Variants in PIP4K2A observed in about 807,000 individuals in gnomAD.
PIP4K2A encodes phosphatidylinositol 5-phosphate 4-kinase type-2 alpha.
In PIP4K2A, 14 loss-of-function variants were observed where a neutral mutation model predicts 42.9. The observed-to-expected ratio is 0.33, with a 90% CI of 0.22 to 0.51. The LOEUF (loss-of-function observed/expected upper bound fraction) is 0.51, where lower values mean the gene tolerates loss of function less well. Ranked by LOEUF, PIP4K2A falls within the 20% of genes least tolerant of loss-of-function variation. The pLI is 0.97. For missense variants in PIP4K2A, 434 were observed against 519.8 expected, an observed-to-expected ratio of 0.83 and a Z score of 1.61; for synonymous variants, 192 against 192.2, an observed-to-expected ratio of 1.00 and a Z score of 0.01.
At chr10:22,568,989 T>C (rs1483743913) in intron 5 of PIP4K2A, 2 of 1,520,078 alleles carry the variant, frequency 1.3e-6, no homozygotes, top group Non-Finnish European at 1.8e-6. Flanking sequence ...TTACTTGAGT[T>C]AGCCATTCAT....
rs192450564 is a variant in PIP4K2A at position 22,545,270 on chromosome 10, C to T, written c.793-3223G>A. Among the ~76,000 whole-genome samples the T allele has an allele frequency of 1.5e-4, 23 of 152,362 alleles. No individual in the cohort carries two copies. In the East Asian group the frequency reaches 3.3e-3, roughly 22 times the overall value. On this transcript the variant is annotated intron_variant, in intron 7 of 9. Coordinates refer to ENST00000376573, the MANE Select transcript of PIP4K2A (RefSeq NM_005028.5). ...TGTCTGAGACTGCATGAGGCAACAGCTCTGCAAAGGAAGCGCAAGGTGACC... is the reference window on the plus strand; with the variant it reads ...TGTCTGAGACTGCATGAGGCAACAGTTCTGCAAAGGAAGCGCAAGGTGACC...
At position 22,607,859 on chromosome 10, in the gene PIP4K2A, A is replaced by T. The variant is rs1481840898; in HGVS notation, c.339+68T>A. ...TTTATTGACAAAAATACAGATCCCA[A>T]TTGACACAGCAAAAGTCATGGCAAA... On this transcript the variant is annotated intron_variant, in intron 3 of 9. Coordinates refer to ENST00000376573, the MANE Select transcript of PIP4K2A (RefSeq NM_005028.5). The T allele has an allele frequency of 3.2e-6, 3 of 935,918 alleles. No individual in the cohort carries two copies. In the East Asian group the frequency reaches 7.3e-5, roughly 23 times the overall value. The allele number at this position is 935,918 out of a possible 1,614,324, so 58.0% of individuals were successfully genotyped here.
chr10:22,680,765 C>T (rs1276771244), intron 1 of PIP4K2A, among the ~76,000 whole-genome samples: 2 of 152,176 alleles, frequency 1.3e-5, no homozygotes, highest in African/African-American at 4.8e-5. Flanking sequence ...GTATTGAGGT[C>T]TTGGTGATGT....
Position 22,610,584 on chromosome 10 carries a change from T to C in PIP4K2A, c.145-867A>G, listed in dbSNP as rs1200623982. On this transcript the variant is annotated intron_variant, in intron 1 of 9. Transcript: ENST00000376573. ...GAATGAGCTGCTTGATAGAGCTATT[T>C]GTTTTTTTTAATCACATTGCTGGGT... Among the ~76,000 whole-genome samples the C allele has an allele frequency of 2.6e-5, 4 of 152,318 alleles. No individual in the cohort carries two copies. In the South Asian group the frequency reaches 6.2e-4, roughly 24 times the overall value.
chr10:22,660,715 A>G lies in PIP4K2A; in HGVS notation c.145-50998T>C, dbSNP rs1187406513. ...AATTTCAAATATAGCCTTTCCTTAC[A>G]TTTTTCTTTAATAATCTGTACAGCC... On this transcript the variant is annotated intron_variant, in intron 1 of 9. Coordinates refer to ENST00000376573, the MANE Select transcript of PIP4K2A (RefSeq NM_005028.5). 6.6e-5 allele frequency among the ~76,000 whole-genome samples: 10 copies of G among 152,094 alleles called. No individual in the cohort carries two copies. In the East Asian group the frequency reaches 1.5e-3, roughly 23 times the overall value.
rs1250596905 is a variant in PIP4K2A at position 22,607,938 on chromosome 10, GATC to G, written c.325_327del (p.Asp109del). On this transcript the variant is annotated inframe_deletion, in exon 3 of 10. Coordinates refer to ENST00000376573, the MANE Select transcript of PIP4K2A (RefSeq NM_005028.5). Reference sequence around the variant, plus strand: ...CAAACGCAACTCACCTGGAAATCTTGATCATCAATTCCAAACCTCTCCCGCAGG... The same window carrying G: ...CAAACGCAACTCACCTGGAAATCTTGATCAATTCCAAACCTCTCCCGCAGG... The G allele has an allele frequency of 3.1e-6, 5 of 1,610,234 alleles. No homozygotes were observed. The highest frequency in any genetic ancestry group is 4.2e-6 in the Non-Finnish European group (5 of 1,176,818).
At chr10:22,586,754 C>T (rs1837405027) in intron 4 of PIP4K2A, among the ~76,000 whole-genome samples, 1 of 152,116 alleles carries the variant, frequency 6.6e-6, no homozygotes, top group South Asian at 2.1e-4. Context: ...TGGTCTTGAA[C>T]CCCTGACCTC....
At chr10:22,540,298 C>A (rs1792102717) in intron 8 of PIP4K2A, among the ~76,000 whole-genome samples, 1 of 152,130 alleles carries the variant, frequency 6.6e-6, no homozygotes, top group African/African-American at 2.4e-5. Flanking sequence ...AAAGAAACAA[C>A]CCTAACAACT....
chr10:22,591,370 A>G (rs1279908048), intron 4 of PIP4K2A, among the ~76,000 whole-genome samples: 2 of 152,266 alleles, frequency 1.3e-5, no homozygotes, highest in South Asian at 4.1e-4. Flanking sequence ...GAGTAGTGAT[A>G]ACTGAAACTA....
At chr10:22,692,976 ACT>A (rs1176570316) in intron 1 of PIP4K2A, among the ~76,000 whole-genome samples, 1 of 152,062 alleles carries the variant, frequency 6.6e-6, no homozygotes, top group Non-Finnish European at 1.5e-5. Flanking sequence ...GGGCTGCCTC[ACT>A]CTGATACCTG....
intron 7 of PIP4K2A, 47 bp downstream of exon 7, chr10:22,550,612 G>A (rs748649312): frequency 2.9e-6 from 3 of 1,024,236 alleles, no homozygotes; most frequent in Admixed American, 1.7e-5. Context: ...ACCCAACAGG[G>A]CTGATATTTA....
At chr10:22,664,106 T>TATATATATATATATATATATAC (rs1839277508) in intron 1 of PIP4K2A, among the ~76,000 whole-genome samples, 1 of 71,274 alleles carries the variant, frequency 1.4e-5, no homozygotes, top group Non-Finnish European at 2.4e-5. Flanking sequence ...TATATATACA[T>TATATATATATATATATATATAC]ATATATATAC....
At chr10:22,677,457 T>A (rs977622931) in intron 1 of PIP4K2A, among the ~76,000 whole-genome samples, 1 of 152,142 alleles carries the variant, frequency 6.6e-6, no homozygotes, top group Non-Finnish European at 1.5e-5. Context: ...GCTCTCAGGC[T>A]GCATTTTACA....
At chr10:22,608,951 C>CT (rs914935943) in intron 2 of PIP4K2A, among the ~76,000 whole-genome samples, 2 of 152,322 alleles carry the variant, frequency 1.3e-5, no homozygotes, top group African/African-American at 4.8e-5. Context: ...TTGTTTCCCT[C>CT]TTTGTGTTCC....
intron 1 of PIP4K2A, among the ~76,000 whole-genome samples, chr10:22,667,030 A>G (rs977913362): frequency 2.0e-5 from 3 of 152,228 alleles, no homozygotes; most frequent in Admixed American, 6.5e-5. Context: ...ACATGGAAAG[A>G]AAAAAATACC....
At chr10:22,565,962 C>A (rs541957043) in intron 6 of PIP4K2A, among the ~76,000 whole-genome samples, 1 of 152,078 alleles carries the variant, frequency 6.6e-6, no homozygotes, top group African/African-American at 2.4e-5. Context: ...TTGGTCAGAC[C>A]GGTTGATCTC....
Position 22,632,097 on chromosome 10 carries a change from G to A in PIP4K2A, c.145-22380C>T, listed in dbSNP as rs191140475. On this transcript the variant is annotated intron_variant, in intron 1 of 9. Transcript: ENST00000376573. ...ACAAAATAACCAGTCTTCATGAAAA[G>A]TGTAAAGGTCATGATAGACAAAGAC... is the stretch of plus-strand genomic sequence containing the variant. Among the ~76,000 whole-genome samples, 4 of 152,244 alleles carry A rather than the reference G, an allele frequency of 2.6e-5. 1 individual carries two copies. Among genetic ancestry groups the A allele is most frequent in the East Asian group, 3.9e-4 (2 of 5,178 alleles).
chr10:22,584,172 G>C (rs1837339880), intron 4 of PIP4K2A, among the ~76,000 whole-genome samples: 1 of 152,140 alleles, frequency 6.6e-6, no homozygotes, highest in South Asian at 2.1e-4. Flanking sequence ...TCAGGAGTAA[G>C]TTTTGAATAG....
intron 6 of PIP4K2A, among the ~76,000 whole-genome samples, chr10:22,559,650 AT>A (rs879758098): frequency 8.5e-4 from 130 of 152,158 alleles, no homozygotes; most frequent in Admixed American, 1.8e-3. Context: ...TGAACAGAAC[AT>A]TTTTTTCCCC....
Sources: allele counts gnomAD v4.1 joint callset (sites outside exome capture counted in the v4.1 genomes callset), GRCh38; gene constraint gnomAD v4.1.1; transcripts MANE v1.5; gene names NCBI Gene and HGNC (gene_info 2026-07-23, HGNC 2026-07-21).